The following AKAP19 variants were observed in gnomAD, a reference collection of about 807,000 sequenced individuals.
AKAP19 encodes A-kinase anchoring protein 19, also known as small A-kinase anchoring protein.
At chr2:190,080,202 T>C in the AKAP19 span, among the ~76,000 whole-genome samples, 1 of 152,218 alleles carries the variant, frequency 6.6e-6, no homozygotes, top group Non-Finnish European at 1.5e-5. Context: ...TAAATAAATA[T>C]ATTCAGTGTG....
the AKAP19 span, among the ~76,000 whole-genome samples, chr2:190,126,103 C>T: frequency 9.3e-5 from 14 of 150,802 alleles, no homozygotes; most frequent in South Asian, 2.1e-4. Context: ...CCATCCTGGC[C>T]AACATGATGA....
At chr2:190,062,759 A>T in the AKAP19 span, 1 of 630,956 alleles carries the variant, frequency 1.6e-6, no homozygotes, top group Non-Finnish European at 2.7e-6. Context: ...GGCTTTTTAT[A>T]TTCCAACTTA....
the AKAP19 span, among the ~76,000 whole-genome samples, chr2:190,186,930 C>T: frequency 6.6e-6 from 1 of 152,100 alleles, no homozygotes; most frequent in African/African-American, 2.4e-5. The surrounding 1 kb of genome is among the most constrained non-coding windows in gnomAD (Gnocchi z 5.5). Flanking sequence ...ACTTCCGCCT[C>T]CCAGGTTCAA....
chr2:189,982,410 G>C, the AKAP19 span, among the ~76,000 whole-genome samples: 1 of 151,780 alleles, frequency 6.6e-6, no homozygotes, highest in East Asian at 1.9e-4. Flanking sequence ...TCATTTTTCT[G>C]GTTGGTTTGT....
At chr2:190,116,182 C>T in the AKAP19 span, among the ~76,000 whole-genome samples, 1 of 152,152 alleles carries the variant, frequency 6.6e-6, no homozygotes, top group Non-Finnish European at 1.5e-5. Context: ...ACTCTTAGTC[C>T]ATTTTGTGTT....
chr2:190,187,845 C>A, the AKAP19 span, among the ~76,000 whole-genome samples: 15 of 152,134 alleles, frequency 9.9e-5, no homozygotes, highest in African/African-American at 3.4e-4. Context: ...GGACTGAGAC[C>A]CTGGCTCTAG....
At chr2:190,102,161 C>A in the AKAP19 span, among the ~76,000 whole-genome samples, 1 of 151,980 alleles carries the variant, frequency 6.6e-6, no homozygotes, top group African/African-American at 2.4e-5. Flanking sequence ...AACAGGTATA[C>A]CCAAATCTCT....
chr2:189,963,865 A>G, the AKAP19 span, among the ~76,000 whole-genome samples: 1 of 151,838 alleles, frequency 6.6e-6, no homozygotes, highest in Non-Finnish European at 1.5e-5. Context: ...CCAGGATCAA[A>G]CAATTTTCCC....
At chr2:190,068,378 G>T in the AKAP19 span, among the ~76,000 whole-genome samples, 11 of 152,308 alleles carry the variant, frequency 7.2e-5, no homozygotes, top group African/African-American at 2.2e-4. Context: ...CACCCAGGCT[G>T]CAGTACAGTA....
At chr2:190,169,653 A>G in the AKAP19 span, among the ~76,000 whole-genome samples, 1 of 152,246 alleles carries the variant, frequency 6.6e-6, no homozygotes, top group Non-Finnish European at 1.5e-5. Context: ...GAAGATGTTT[A>G]AGCATTATGA....
chr2:190,197,253 G>C, the AKAP19 span, among the ~76,000 whole-genome samples: 2 of 152,168 alleles, frequency 1.3e-5, no homozygotes, highest in African/African-American at 4.8e-5. The surrounding 1 kb of genome is among the most constrained non-coding windows in gnomAD (Gnocchi z 4.0). Context: ...ACCTTGTTTA[G>C]GGTATACTAC....
chr2:189,888,672 T>G, the AKAP19 span, among the ~76,000 whole-genome samples: 12 of 152,276 alleles, frequency 7.9e-5, no homozygotes, highest in South Asian at 6.2e-4. Flanking sequence ...TTGTAAGTTG[T>G]ATTCCTAGGT....
the AKAP19 span, among the ~76,000 whole-genome samples, chr2:190,133,032 A>T: frequency 5.3e-5 from 8 of 151,908 alleles, no homozygotes; most frequent in Admixed American, 2.0e-4. Flanking sequence ...GTCAGGAGAT[A>T]GAGACCATCC....
the AKAP19 span, among the ~76,000 whole-genome samples, chr2:190,094,965 C>A: frequency 3.3e-3 from 498 of 152,294 alleles, 5 homozygotes; most frequent in African/African-American, 0.011. Context: ...TGGCTCACGC[C>A]GGTAATCCCA....
the AKAP19 span, among the ~76,000 whole-genome samples, chr2:189,920,116 T>C: frequency 4.7e-4 from 72 of 152,370 alleles, no homozygotes; most frequent in African/African-American, 1.7e-3. Flanking sequence ...TGGTCAACCA[T>C]ATATTCTCAG....
the AKAP19 span, chr2:190,062,555 C>T: frequency 1.9e-6 from 3 of 1,613,092 alleles, no homozygotes; most frequent in African/African-American, 1.3e-5. Flanking sequence ...CAACAATCAG[C>T]ATAAACAGGT....
At chr2:189,968,505 A>C in the AKAP19 span, among the ~76,000 whole-genome samples, 1 of 152,152 alleles carries the variant, frequency 6.6e-6, no homozygotes, top group Non-Finnish European at 1.5e-5. Flanking sequence ...CTCCAAGAAC[A>C]CTGGAATTAT....
the AKAP19 span, among the ~76,000 whole-genome samples, chr2:189,902,155 TAGG>T: frequency 6.6e-6 from 1 of 152,050 alleles, no homozygotes; most frequent in Non-Finnish European, 1.5e-5. Context: ...CTGTGAAGAC[TAGG>T]AGATTATATT....
chr2:190,057,776 A>G, the AKAP19 span: 1 of 861,786 alleles, frequency 1.2e-6, no homozygotes, highest in East Asian at 2.6e-5. Flanking sequence ...GCACAGCATT[A>G]AGGAATGTTA....
Sources: gnomAD v4.1 joint callset for allele counts (sites outside exome capture counted in the v4.1 genomes callset) on GRCh38, gnomAD v4.1.1 for gene constraint, Gnocchi (gnomAD v3.1) non-coding constraint, MANE v1.5 for transcripts, NCBI Gene and HGNC (gene_info 2026-07-23, HGNC 2026-07-21) for gene names.